The following EPB41L2 variants were observed in gnomAD, a reference collection of about 807,000 sequenced individuals.
EPB41L2 encodes band 4.1-like protein 2.
Under a neutral mutation model 113.0 loss-of-function variants are expected in EPB41L2, and 43 were observed. The ratio of observed to expected loss-of-function variants is 0.38; its 90% CI spans 0.30 to 0.49. EPB41L2 has a LOEUF of 0.49. Among genes scored for constraint, EPB41L2 ranks in the 20% least tolerant of loss-of-function variants. The pLI is 0.95. For missense variants in EPB41L2, 1,147 were observed against 1,223.4 expected, an observed-to-expected ratio of 0.94 and a Z score of 0.93; for synonymous variants, 442 against 436.7, an observed-to-expected ratio of 1.01 and a Z score of -0.15.
chr6:130,845,343 T>C (rs1449282616), intron 19 of EPB41L2, among the ~76,000 whole-genome samples: 6 of 151,918 alleles, frequency 3.9e-5, no homozygotes, highest in Admixed American at 2.6e-4. Context: ...CCTACATAAG[T>C]CGAAGCAGAG....
chr6:131,006,663 A>G (rs924166168), intron 1 of EPB41L2, among the ~76,000 whole-genome samples: 7 of 116,816 alleles, frequency 6.0e-5, no homozygotes, highest in African/African-American at 2.5e-4. Flanking sequence ...CTGAGACTCT[A>G]TCTCAAAAAA....
intron 1 of EPB41L2, among the ~76,000 whole-genome samples, chr6:131,045,290 T>C (rs9398970): frequency 0.3 from 45,644 of 151,584 alleles, 7,583 homozygotes; most frequent in African/African-American, 0.44. Flanking sequence ...AATAATCCAT[T>C]ACAGCCCACA....
At chr6:130,997,057 AT>A (rs1167341968) in intron 1 of EPB41L2, among the ~76,000 whole-genome samples, 1 of 152,230 alleles carries the variant, frequency 6.6e-6, no homozygotes, top group Admixed American at 6.5e-5. Context: ...ACAGAGGTAC[AT>A]TCATACTATT....
chr6:130,873,036 G>GT (rs1264505896), intron 14 of EPB41L2, among the ~76,000 whole-genome samples: 1 of 151,980 alleles, frequency 6.6e-6, no homozygotes, highest in Non-Finnish European at 1.5e-5. Context: ...TGCATTTTCT[G>GT]TAAGGCCTTC....
At chr6:130,918,407 T>C (rs1219964144) in intron 4 of EPB41L2, among the ~76,000 whole-genome samples, 1 of 152,168 alleles carries the variant, frequency 6.6e-6, no homozygotes, top group Non-Finnish European at 1.5e-5. Flanking sequence ...ACAATATTTT[T>C]CCCTTTAAAG....
intron 4 of EPB41L2, 146 bp downstream of exon 4, chr6:130,926,459 A>G: frequency 1.6e-6 from 1 of 634,894 alleles, no homozygotes; most frequent in Non-Finnish European, 2.7e-6. Flanking sequence ...TACACAAGAT[A>G]GTTTTTCAGT....
intron 16 of EPB41L2, 160 bp from the exon 17 acceptor site, chr6:130,865,794 G>C (rs1009730342): frequency 6.0e-6 from 4 of 662,496 alleles, no homozygotes; most frequent in Admixed American, 2.9e-5. Context: ...ATTTGAAACC[G>C]AGTAGAGGCA....
At chr6:130,888,340 C>T (rs933650894) in intron 11 of EPB41L2, among the ~76,000 whole-genome samples, 2 of 152,104 alleles carry the variant, frequency 1.3e-5, no homozygotes, top group Non-Finnish European at 2.9e-5. Flanking sequence ...TGAATTACGG[C>T]CTCCAAAACA....
At position 130,852,575 on chromosome 6, in the gene EPB41L2, A is replaced by T. The variant is rs1012225102; in HGVS notation, c.*5+5556T>A. On this transcript the variant is annotated intron_variant, in intron 19 of 19. Coordinates refer to ENST00000337057, the MANE Select transcript of EPB41L2 (RefSeq NM_001431.4). The stretch of plus-strand genomic sequence containing the variant: ...AACTCCCTGCCCAAGCCAAAAACCT[A>T]AATATGATGTGTGATTCTCCTCTGC... Among the ~76,000 whole-genome samples the T allele has an allele frequency of 4.6e-5, 7 of 152,286 alleles. 1 individual carries two copies. The East Asian group carries it at 9.6e-4, about 21-fold the overall frequency.
chr6:130,864,951 T>C (rs1783250228), intron 17 of EPB41L2, among the ~76,000 whole-genome samples: 1 of 152,194 alleles, frequency 6.6e-6, no homozygotes, highest in African/African-American at 2.4e-5. Context: ...GGAAGCTTCT[T>C]AAGACAATTC....
chr6:131,039,490 C>A (rs376229243), intron 1 of EPB41L2, among the ~76,000 whole-genome samples: 12 of 152,260 alleles, frequency 7.9e-5, no homozygotes, highest in African/African-American at 2.6e-4. Context: ...AGACCAGAGG[C>A]CTTAGAGATC....
intron 19 of EPB41L2, among the ~76,000 whole-genome samples, chr6:130,844,048 C>A (rs1389595594): frequency 1.3e-5 from 2 of 152,180 alleles, no homozygotes; most frequent in Non-Finnish European, 2.9e-5. Context: ...ACTCAGTAAA[C>A]TGATTTCAAA....
chr6:130,936,629 G>A (rs1391630817), intron 3 of EPB41L2, among the ~76,000 whole-genome samples: 4 of 152,024 alleles, frequency 2.6e-5, no homozygotes, highest in Non-Finnish European at 5.9e-5. Flanking sequence ...CAAGGCATAC[G>A]ACTTAAGTAT....
At chr6:130,935,359 G>A (rs993817120) in intron 3 of EPB41L2, among the ~76,000 whole-genome samples, 4 of 152,106 alleles carry the variant, frequency 2.6e-5, no homozygotes, top group South Asian at 2.1e-4. Flanking sequence ...TCATGAGCAC[G>A]ATGCTTCCAA....
intron 1 of EPB41L2, among the ~76,000 whole-genome samples, chr6:131,051,112 C>T (rs956125975): frequency 6.6e-6 from 1 of 152,080 alleles, no homozygotes; most frequent in Non-Finnish European, 1.5e-5. Context: ...AATACATTTA[C>T]TGAACTTTTC....
At chr6:131,003,338 G>A (rs1191987161) in intron 1 of EPB41L2, among the ~76,000 whole-genome samples, 1 of 152,124 alleles carries the variant, frequency 6.6e-6, no homozygotes, top group East Asian at 1.9e-4. Flanking sequence ...ATGAGGCCAG[G>A]TCTCATTTTA....
chr6:130,957,066 C>T (rs1817675546), intron 1 of EPB41L2, among the ~76,000 whole-genome samples: 1 of 152,108 alleles, frequency 6.6e-6, no homozygotes, highest in Non-Finnish European at 1.5e-5. Context: ...ATTCTGTGTT[C>T]CAATATTAAA....
At chr6:130,882,283 A>C (rs999383295) in intron 12 of EPB41L2, 20 of 152,198 alleles carry the variant, frequency 1.3e-4, no homozygotes, top group African/African-American at 4.8e-4. Context: ...ATAATCCTAC[A>C]ATTTCGCTCC....
intron 1 of EPB41L2, among the ~76,000 whole-genome samples, chr6:131,048,223 A>G (rs1462718599): frequency 6.6e-6 from 1 of 151,916 alleles, no homozygotes; most frequent in Admixed American, 6.6e-5. Context: ...GATTCATAGG[A>G]AAAAAAATTA....
Sources: gnomAD v4.1 joint callset for allele counts (sites outside exome capture counted in the v4.1 genomes callset) on GRCh38, gnomAD v4.1.1 for gene constraint, MANE v1.5 for transcripts, NCBI Gene and HGNC (gene_info 2026-07-23, HGNC 2026-07-21) for gene names.